Variants in IGF2BP3 observed in about 807,000 individuals in gnomAD.
The protein encoded by IGF2BP3 is insulin-like growth factor 2 mRNA-binding protein 3.
In IGF2BP3, 9 loss-of-function variants were observed where a neutral mutation model predicts 73.8. The ratio of observed to expected loss-of-function variants is 0.12; its 90% confidence interval spans 0.07 to 0.21. The LOEUF is 0.21. Ranked by LOEUF, IGF2BP3 falls within the 10% of genes least tolerant of loss-of-function variation. The pLI is 1.00. For synonymous variants in IGF2BP3, 258 were observed against 256.7 expected (o/e 1.01, Z -0.05); for missense variants, 542 against 714.0 (o/e 0.76, Z 2.75).
intron 3 of IGF2BP3, among the ~76,000 whole-genome samples, chr7:23,418,420 G>T (rs1476618086): frequency 6.6e-6 from 1 of 152,152 alleles, no homozygotes; most frequent in Non-Finnish European, 1.5e-5. Flanking sequence ...AAAATAGCAG[G>T]TATTTGTCTT....
intron 13 of IGF2BP3, 106 bp downstream of exon 13, chr7:23,313,416 G>A (rs1783888119): frequency 1.6e-6 from 2 of 1,284,050 alleles, no homozygotes; most frequent in Non-Finnish European, 2.1e-6. Flanking sequence ...GGTCAAGATG[G>A]TCCTGCTTTT....
intron 3 of IGF2BP3, among the ~76,000 whole-genome samples, chr7:23,367,557 A>G (rs111996486): frequency 2.0e-5 from 3 of 152,142 alleles, no homozygotes; most frequent in South Asian, 2.1e-4. Context: ...ACATTTCTCT[A>G]TGCTTAGGTA....
At chr7:23,371,438 A>G (rs1212220198) in intron 3 of IGF2BP3, among the ~76,000 whole-genome samples, 1 of 152,222 alleles carries the variant, frequency 6.6e-6, no homozygotes, top group Non-Finnish European at 1.5e-5. Context: ...CTATATTACA[A>G]AATGAAGAAC....
In IGF2BP3 at chr7:23,360,860, A is replaced by C. The variant is rs537036934; in HGVS notation, c.401+674T>G. Among the ~76,000 whole-genome samples, 8 of 152,212 alleles carry C rather than the reference A, an allele frequency of 5.3e-5. No individual in the cohort carries two copies. In the East Asian group the frequency reaches 7.7e-4, roughly 15 times the overall value. ...TGTGCTACTGAGCACTTTGTATGCC[A>C]TTCTTTCATGTTCATATTCTGGGCA... On this transcript the variant is annotated intron_variant, in intron 5 of 14. Transcript: ENST00000258729.
intron 3 of IGF2BP3, among the ~76,000 whole-genome samples, chr7:23,373,376 G>A (rs1306068550): frequency 1.3e-5 from 2 of 152,156 alleles, no homozygotes; most frequent in African/African-American, 2.4e-5. Context: ...CTCTCCAGGT[G>A]TTTTTAGAAG....
At chr7:23,449,558 T>TTC (rs1562759626) in intron 2 of IGF2BP3, among the ~76,000 whole-genome samples, 2 of 69,576 alleles carry the variant, frequency 2.9e-5, no homozygotes, top group African/African-American at 8.9e-5. Context: ...CTTTTTCTTT[T>TTC]TTTTTTTTTT....
At chr7:23,355,415 G>T (rs892658555) in intron 5 of IGF2BP3, among the ~76,000 whole-genome samples, 1 of 151,526 alleles carries the variant, frequency 6.6e-6, no homozygotes, top group Non-Finnish European at 1.5e-5. Flanking sequence ...CTTTTAACTA[G>T]AGACGGGGTT....
intron 1 of IGF2BP3, among the ~76,000 whole-genome samples, chr7:23,468,954 G>A (rs569407303): frequency 2.6e-5 from 4 of 152,338 alleles, no homozygotes; most frequent in South Asian, 2.1e-4. Flanking sequence ...CTCTGCTTCA[G>A]CCCAGACCCG....
At chr7:23,340,264 A>C (rs1456641712) in intron 10 of IGF2BP3, among the ~76,000 whole-genome samples, 2 of 152,172 alleles carry the variant, frequency 1.3e-5, no homozygotes, top group Non-Finnish European at 2.9e-5. Flanking sequence ...TCATTCTGTT[A>C]CATGATTTCC....
intron 2 of IGF2BP3, among the ~76,000 whole-genome samples, chr7:23,460,580 T>C (rs1191188531): frequency 6.6e-6 from 1 of 151,778 alleles, no homozygotes; most frequent in Non-Finnish European, 1.5e-5. Context: ...AGACAAGCCT[T>C]GTCCATTGAG....
At chr7:23,430,733 A>G (rs1049777537) in intron 2 of IGF2BP3, among the ~76,000 whole-genome samples, 8 of 152,208 alleles carry the variant, frequency 5.3e-5, no homozygotes, top group African/African-American at 9.6e-5. Flanking sequence ...TTCCTGGTCT[A>G]TATGTCAACT....
At position 23,338,518 on chromosome 7, in the gene IGF2BP3, G is replaced by A. The variant is rs79324208; in HGVS notation, c.1203+3546C>T. ...AAAAGAACAGTTCCTGACAATAAAC[G>A]GGTAGCATAAAACTCCTGATGACCT... is the stretch of plus-strand genomic sequence containing the variant. On this transcript the variant is annotated intron_variant, in intron 10 of 14. Transcript: ENST00000258729. Among the ~76,000 whole-genome samples the A allele has an allele frequency of 1.2e-4, 18 of 152,120 alleles. No individual in the cohort carries two copies. In the East Asian group the frequency reaches 3.3e-3, roughly 28 times the overall value.
In IGF2BP3 at chr7:23,470,076, T is replaced by G; in HGVS notation, c.35A>C (p.Asn12Thr). 6.2e-7 allele frequency: 1 copy of G among 1,609,432 alleles called. No individual in the cohort carries two copies. The highest frequency in any genetic ancestry group is 8.5e-7 in the Non-Finnish European group (1 of 1,178,704). ...ACTTTCTAGGTCCGAGGGGGCGGCGTTCTCGCTGAGGTTTCCGATATACAG... is the reference window on the plus strand; with the variant it reads ...ACTTTCTAGGTCCGAGGGGGCGGCGGTCTCGCTGAGGTTTCCGATATACAG... ...NKLYIGNLSE[N>T]AAPSDLESIF... Residue 12 changes from asparagine (N) to threonine (T), a missense_variant, in exon 1 of 15, where the codon AAC (asparagine) becomes ACC (threonine). Asn to Thr is a moderately conservative substitution (Grantham distance 65, BLOSUM62 0). This residue lies in a region of IGF2BP3 where 239 missense variants were observed against 241.9 expected (regional missense o/e 0.99). Coordinates refer to ENST00000258729, the MANE Select transcript of IGF2BP3 (RefSeq NM_006547.3).
intron 2 of IGF2BP3, among the ~76,000 whole-genome samples, chr7:23,435,800 C>T (rs532221191): frequency 1.3e-5 from 2 of 151,986 alleles, no homozygotes; most frequent in Admixed American, 1.3e-4. Context: ...CTCTGCAGCC[C>T]AGGCTGGAGG....
At chr7:23,360,709 C>T (rs1785203523) in intron 5 of IGF2BP3, among the ~76,000 whole-genome samples, 2 of 152,218 alleles carry the variant, frequency 1.3e-5, no homozygotes, top group African/African-American at 2.4e-5. Flanking sequence ...CCCTTCAGGG[C>T]TCAGAGTCAG....
At chr7:23,468,390 T>G (rs1788619585) in intron 2 of IGF2BP3, 92 bp downstream of exon 2, 11 of 1,291,536 alleles carry the variant, frequency 8.5e-6, no homozygotes, top group Non-Finnish European at 1.1e-5. Context: ...CGGCAGGGGG[T>G]AAGCACCAGA....
chr7:23,361,664 T>G, intron 4 of IGF2BP3, 26 bp downstream of exon 4: 1 of 1,613,812 alleles, frequency 6.2e-7, no homozygotes, highest in Non-Finnish European at 8.5e-7. Flanking sequence ...TTTTACAAAT[T>G]TGAAAGCAAT....
intron 6 of IGF2BP3, among the ~76,000 whole-genome samples, chr7:23,349,457 G>A (rs963322739): frequency 2.6e-5 from 4 of 152,096 alleles, no homozygotes; most frequent in Admixed American, 2.0e-4. Context: ...TCATCTTCCC[G>A]GCTGCTGTTT....
chr7:23,390,989 G>C (rs1001549528), intron 3 of IGF2BP3, among the ~76,000 whole-genome samples: 3 of 151,520 alleles, frequency 2.0e-5, no homozygotes, highest in Non-Finnish European at 2.9e-5. Context: ...AGTAGAGACA[G>C]GGTTTAGCCA....
Sources: gnomAD v4.1 joint callset for allele counts (sites outside exome capture counted in the v4.1 genomes callset) on GRCh38, gnomAD v4.1.1 for gene constraint, gnomAD v4.1.1 regional missense constraint, MANE v1.5 for transcripts, NCBI Gene and HGNC (gene_info 2026-07-23, HGNC 2026-07-21) for gene names.